Variants in MATN2 observed in about 807,000 individuals in gnomAD.
MATN2 encodes the protein matrilin-2.
Under a neutral mutation model 103.2 loss-of-function variants are expected in MATN2, and 69 were observed. The ratio of observed to expected loss-of-function variants is 0.67; its 90% CI spans 0.55 to 0.82. MATN2 has a LOEUF of 0.82. Ranked by LOEUF, MATN2 falls within the 40% of genes least tolerant of loss-of-function variation. The pLI is 0.00. For synonymous variants in MATN2, 429 were observed against 450.2 expected (o/e 0.95, Z 0.60); for missense variants, 1,023 against 1,211.5 (o/e 0.84, Z 2.31).
chr8:97,945,168 G>A (rs1373392058), intron 4 of MATN2, among the ~76,000 whole-genome samples: 1 of 152,040 alleles, frequency 6.6e-6, no homozygotes, highest in African/African-American at 2.4e-5. Flanking sequence ...TGCAATCCAC[G>A]TCCACCTCAG....
chr8:97,969,802 A>G (rs946155381), intron 5 of MATN2, among the ~76,000 whole-genome samples: 3 of 152,220 alleles, frequency 2.0e-5, no homozygotes, highest in Non-Finnish European at 4.4e-5. Flanking sequence ...TGAGGAGCAC[A>G]AAGGTGACCA....
intron 5 of MATN2, among the ~76,000 whole-genome samples, chr8:97,968,537 T>A: frequency 6.6e-6 from 1 of 152,240 alleles, no homozygotes; most frequent in Middle Eastern, 3.2e-3. Context: ...ATTTTTTCCA[T>A]CAGATAGCTA....
At position 97,888,096 on chromosome 8, in the gene MATN2, T is replaced by C. The variant is rs367644090; in HGVS notation, c.-5T>C. 1.9e-6 allele frequency: 3 copies of C among 1,607,514 alleles called. No homozygotes were observed. Among genetic ancestry groups the C allele is most frequent in the Admixed American group, 3.4e-5 (2 of 58,802 alleles). On this transcript the variant is annotated 5_prime_UTR_variant, in exon 2 of 19. Coordinates refer to ENST00000254898, the MANE Select transcript of MATN2 (RefSeq NM_002380.5). ...ACAGCCTTGCCCCTCTTGCTCGCCT[T>C]GAAAATGGAAAAGATGCTCGCAGGC...
chr8:98,030,657 T>C, intron 15 of MATN2, 43 bp downstream of exon 15: 2 of 1,580,872 alleles, frequency 1.3e-6, no homozygotes, highest in Non-Finnish European at 1.7e-6. Flanking sequence ...CAAGGCAGCA[T>C]GAACTCCTTT....
rs376979515 is a variant in MATN2 at position 97,916,267 on chromosome 8, G to A, written c.143-14686G>A. 9.9e-5 allele frequency among the ~76,000 whole-genome samples: 15 copies of A among 151,880 alleles called. No homozygotes were observed. The East Asian group carries it at 1.5e-3, about 16-fold the overall frequency. Reference sequence around the variant, plus strand: ...GTATTTTTAGTAGAGACGGGGTTTCGCCATGTTGGCCAGGCTGGTCTCGAA... The same window carrying A: ...GTATTTTTAGTAGAGACGGGGTTTCACCATGTTGGCCAGGCTGGTCTCGAA... On this transcript the variant is annotated intron_variant, in intron 2 of 18. Transcript: ENST00000254898.
chr8:97,956,005 GTTC>G, intron 4 of MATN2, among the ~76,000 whole-genome samples: 1 of 152,198 alleles, frequency 6.6e-6, no homozygotes, highest in Non-Finnish European at 1.5e-5. Context: ...GCCCATGAGG[GTTC>G]TTGGCTTTAT....
intron 2 of MATN2, among the ~76,000 whole-genome samples, chr8:97,917,334 C>T (rs576985605): frequency 8.5e-5 from 13 of 152,320 alleles, no homozygotes; most frequent in Middle Eastern, 3.4e-3. Context: ...TTCAAGGGTA[C>T]GCAGAGCAAA....
intron 6 of MATN2, among the ~76,000 whole-genome samples, chr8:97,983,959 A>G (rs1294304292): frequency 3.3e-5 from 5 of 152,208 alleles, no homozygotes; most frequent in Non-Finnish European, 7.3e-5. Context: ...ATAATTTTAT[A>G]CTGAATCAGC....
In MATN2 at chr8:97,931,025, A is replaced by T; in HGVS notation, c.215A>T (p.Asp72Val). Residue 72 changes from aspartate to valine, a missense_variant, in exon 3 of 19, where the codon GAC becomes GTC. By Grantham distance (152) the Asp-to-Val change is radical. Coordinates refer to ENST00000254898, the MANE Select transcript of MATN2 (RefSeq NM_002380.5). This position sits in a 1 kb window ranked among gnomAD's most constrained non-coding sequence, Gnocchi z 4.1. Reference protein sequence around the residue: ...IDSSRSVNTHDYAKVKEFIVD... With the variant: ...IDSSRSVNTHVYAKVKEFIVD... ...AGCTCTCGCAGTGTCAACACCCATG[A>T]CTATGCAAAGGTCAAGGAGTTCATC... The T allele has an allele frequency of 2.5e-6, 4 of 1,614,002 alleles. No homozygotes were observed. Among genetic ancestry groups the T allele is most frequent in the Non-Finnish European group, 3.4e-6 (4 of 1,179,880 alleles).
At chr8:97,898,092 T>G (rs191297430) in intron 2 of MATN2, among the ~76,000 whole-genome samples, 5 of 152,252 alleles carry the variant, frequency 3.3e-5, no homozygotes, top group African/African-American at 9.6e-5. Flanking sequence ...AGTTCCAGGA[T>G]GTTCTCTCCT....
chr8:97,945,704 A>AG (rs1810724571), intron 4 of MATN2, among the ~76,000 whole-genome samples: 3 of 24,372 alleles, frequency 1.2e-4, no homozygotes, highest in Non-Finnish European at 2.7e-4. Context: ...TACACACTAT[A>AG]GAAAAAAAAA....
At chr8:97,943,383 C>G (rs1810636552) in intron 4 of MATN2, among the ~76,000 whole-genome samples, 1 of 151,108 alleles carries the variant, frequency 6.6e-6, no homozygotes, top group South Asian at 2.1e-4. Context: ...CCTTCCTGCC[C>G]TTTCTCCTTC....
intron 5 of MATN2, among the ~76,000 whole-genome samples, chr8:97,970,316 T>C (rs1030678761): frequency 1.3e-5 from 2 of 152,216 alleles, no homozygotes; most frequent in African/African-American, 4.8e-5. Context: ...GATTGAAGTC[T>C]GATTGAAGGC....
intron 16 of MATN2, 75 bp from the exon 17 acceptor site, chr8:98,032,967 C>A: frequency 2.8e-6 from 4 of 1,440,756 alleles, no homozygotes; most frequent in South Asian, 1.5e-5. Flanking sequence ...ATACCAAGTA[C>A]CTTACTCTGC....
intron 10 of MATN2, among the ~76,000 whole-genome samples, chr8:98,012,881 T>G (rs533619559): frequency 6.6e-6 from 1 of 152,330 alleles, no homozygotes; most frequent in Non-Finnish European, 1.5e-5. Context: ...ATCAGTTTTC[T>G]CATCTTTAAT....
At chr8:98,018,819 G>A (rs1813468092) in intron 12 of MATN2, among the ~76,000 whole-genome samples, 2 of 152,020 alleles carry the variant, frequency 1.3e-5, no homozygotes, top group African/African-American at 4.8e-5. Flanking sequence ...CGTGGGAATT[G>A]TGGGAACTAC....
intron 6 of MATN2, among the ~76,000 whole-genome samples, chr8:97,988,938 T>C (rs1252380569): frequency 6.6e-6 from 1 of 152,168 alleles, no homozygotes; most frequent in Non-Finnish European, 1.5e-5. Context: ...GCAAAAGTTA[T>C]TTAAACAGTT....
Position 97,978,938 on chromosome 8 carries a change from T to A in MATN2, c.1011T>A (p.Asn337Lys). Residue 337 changes from asparagine to lysine, a missense_variant, in exon 6 of 19, where the codon AAT becomes AAA. Asn to Lys is a moderately conservative substitution (Grantham distance 94). Transcript: ENST00000254898. ...ACGGATGTGAACATGAGTGTGTAAA[T>A]GCTGATGGCTCCTACCTTTGCCAGT... The part of the protein sequence containing the change: ...ENHGCEHECV[N>K]ADGSYLCQCH... 1 of 1,613,810 alleles carries A rather than the reference T, an allele frequency of 6.2e-7. No individual in the cohort carries two copies. Among genetic ancestry groups the A allele is most frequent in the South Asian group, 1.1e-5 (1 of 91,086 alleles).
intron 3 of MATN2, among the ~76,000 whole-genome samples, chr8:97,941,303 T>C (rs1352242319): frequency 6.6e-6 from 1 of 152,148 alleles, no homozygotes; most frequent in African/African-American, 2.4e-5. Flanking sequence ...CTTTTGCATA[T>C]TAAAAATTTA....
Sources: gnomAD v4.1 joint callset for allele counts (sites outside exome capture counted in the v4.1 genomes callset) on GRCh38, gnomAD v4.1.1 for gene constraint, Gnocchi (gnomAD v3.1) non-coding constraint, MANE v1.5 for transcripts, NCBI Gene and HGNC (gene_info 2026-07-23, HGNC 2026-07-21) for gene names.